XRCC4: variants seen among roughly 807,000 people sequenced by gnomAD.
XRCC4 encodes X-ray repair cross complementing 4.
A neutral mutation model predicts 39.1 loss-of-function variants in XRCC4; 28 were observed. The ratio of observed to expected loss-of-function variants is 0.72; its 90% CI spans 0.53 to 0.98. The LOEUF (loss-of-function observed/expected upper bound fraction) is 0.98, where lower values mean the gene tolerates loss of function less well. XRCC4 is among the 50% of genes least tolerant of loss of function. The probability of loss-of-function intolerance (pLI) is 0.00; values close to 1 mark genes in which losing one functional copy is unlikely to be tolerated. For synonymous variants in XRCC4, 123 were observed against 126.4 expected, an observed-to-expected ratio of 0.97 and a Z score of 0.18; for missense variants, 350 against 376.4, an observed-to-expected ratio of 0.93 and a Z score of 0.58.
At chr5:83,333,914 T>G (rs886238257) in intron 7 of XRCC4, among the ~76,000 whole-genome samples, 4 of 151,798 alleles carry the variant, frequency 2.6e-5, no homozygotes, top group Non-Finnish European at 4.4e-5. Context: ...GGATTACAGG[T>G]GTGCGCCACC....
At chr5:83,091,850 T>G (rs551116953) in intron 1 of XRCC4, among the ~76,000 whole-genome samples, 8 of 152,320 alleles carry the variant, frequency 5.3e-5, no homozygotes, top group African/African-American at 1.9e-4. Context: ...TTCCACATTC[T>G]GATTTTAAAA....
At chr5:83,105,898 C>A (rs551457991) in intron 2 of XRCC4, among the ~76,000 whole-genome samples, 1 of 151,868 alleles carries the variant, frequency 6.6e-6, no homozygotes, top group Non-Finnish European at 1.5e-5. Context: ...ATTATTATAT[C>A]GTCTTTAAAA....
At chr5:83,160,932 C>A (rs1205967466) in intron 3 of XRCC4, among the ~76,000 whole-genome samples, 1 of 151,912 alleles carries the variant, frequency 6.6e-6, no homozygotes, top group Non-Finnish European at 1.5e-5. Flanking sequence ...CATTTTCAGG[C>A]ACTTAATATG....
intron 1 of XRCC4, among the ~76,000 whole-genome samples, chr5:83,083,139 T>C (rs1745028759): frequency 6.6e-6 from 1 of 151,464 alleles, no homozygotes; most frequent in African/African-American, 2.5e-5. Flanking sequence ...TCCTCCACCC[T>C]GTTTTATCTC....
chr5:83,365,166 A>G, the XRCC4 span, among the ~76,000 whole-genome samples: 5 of 152,200 alleles, frequency 3.3e-5, no homozygotes, highest in African/African-American at 1.2e-4. Context: ...AATTTGCTTC[A>G]TATGACTGAT....
chr5:83,249,698 C>T lies in XRCC4; in HGVS notation c.746-8832C>T, dbSNP rs10514251. Among the ~76,000 whole-genome samples the T allele has an allele frequency of 4.7e-3, 695 of 146,376 alleles. 2 individuals carry two copies. The highest frequency in any genetic ancestry group is 0.017 in the African/African-American group (664 of 37,976). ...AGAGTTTGTGGTATATATTACTGTT[C>T]CTTATCCACCAAATTCACCAGATAA... On this transcript the variant is annotated intron_variant, in intron 6 of 7. Transcript: ENST00000396027.
chr5:83,266,491 G>T (rs923459629), intron 7 of XRCC4, among the ~76,000 whole-genome samples: 13 of 150,932 alleles, frequency 8.6e-5, no homozygotes, highest in African/African-American at 2.7e-4. Context: ...GTCAGCAAAT[G>T]GAAGAAAGAA....
At chr5:83,095,407 C>T (rs892215751) in intron 1 of XRCC4, among the ~76,000 whole-genome samples, 1 of 152,064 alleles carries the variant, frequency 6.6e-6, no homozygotes, top group African/African-American at 2.4e-5. Context: ...TTTTTATGTT[C>T]AATAGAAATG....
chr5:83,121,055 G>A (rs905634895), intron 3 of XRCC4, among the ~76,000 whole-genome samples: 13 of 151,962 alleles, frequency 8.6e-5, no homozygotes, highest in Admixed American at 2.0e-4. Flanking sequence ...TTCTTTTTTC[G>A]GTCTGGTTTC....
intron 1 of XRCC4, among the ~76,000 whole-genome samples, chr5:83,102,008 T>G (rs1480699630): frequency 6.6e-6 from 1 of 150,844 alleles, no homozygotes; most frequent in African/African-American, 2.4e-5. Flanking sequence ...TTTAGAATGA[T>G]GTAGCTGCCA....
At chr5:83,265,077 T>C (rs1753909154) in intron 7 of XRCC4, among the ~76,000 whole-genome samples, 1 of 152,138 alleles carries the variant, frequency 6.6e-6, no homozygotes, top group African/African-American at 2.4e-5. Context: ...TTCCATCTTT[T>C]CAAAAAGAAT....
At chr5:83,085,964 C>A (rs1745162206) in intron 1 of XRCC4, among the ~76,000 whole-genome samples, 1 of 152,132 alleles carries the variant, frequency 6.6e-6, no homozygotes, top group South Asian at 2.1e-4. Flanking sequence ...TCATTAGAAC[C>A]ACACAATCTT....
In XRCC4 at chr5:83,353,390, A is replaced by G; in HGVS notation, c.*148A>G. ...CAGTGAATTGAAACCATTGTGCAAA[A>G]TGGATTACACATGTATACAAAGATA... On this transcript the variant is annotated 3_prime_UTR_variant, in exon 8 of 8. Transcript: ENST00000396027. 1.7e-6 allele frequency: 1 copy of G among 605,366 alleles called. No homozygotes were observed. The highest frequency in any genetic ancestry group is 2.9e-6 in the Non-Finnish European group (1 of 350,856). 37.5% of individuals were successfully genotyped at this position (605,366 alleles called of 1,614,324 possible). A position where few individuals can be genotyped will look rare whatever the true frequency, so the allele number is the denominator to read the frequency against.
At chr5:83,184,678 C>A (rs1391877963) in intron 3 of XRCC4, among the ~76,000 whole-genome samples, 1 of 151,930 alleles carries the variant, frequency 6.6e-6, no homozygotes, top group Non-Finnish European at 1.5e-5. Context: ...AACTTTTGGC[C>A]AGTATTTGCT....
intron 7 of XRCC4, among the ~76,000 whole-genome samples, chr5:83,269,664 T>C (rs1435317862): frequency 6.6e-6 from 1 of 151,922 alleles, no homozygotes; most frequent in Admixed American, 6.6e-5. Flanking sequence ...ACCTAACACA[T>C]AGTAGATATT....
At chr5:83,365,199 C>T in the XRCC4 span, among the ~76,000 whole-genome samples, 1 of 152,100 alleles carries the variant, frequency 6.6e-6, no homozygotes, top group African/African-American at 2.4e-5. Flanking sequence ...CCCTGGAAAG[C>T]CCCATTCAAA....
At chr5:83,362,711 C>T in the XRCC4 span, among the ~76,000 whole-genome samples, 5 of 152,126 alleles carry the variant, frequency 3.3e-5, no homozygotes, top group South Asian at 2.1e-4. Flanking sequence ...GTAACTTTCA[C>T]GATTTCCTAC....
Position 83,158,027 on chromosome 5 carries a change from C to G in XRCC4, c.316-37743C>G, listed in dbSNP as rs182629591. Among the ~76,000 whole-genome samples the G allele has an allele frequency of 4.6e-5, 7 of 152,134 alleles. No homozygotes were observed. The East Asian group carries it at 1.3e-3, about 29-fold the overall frequency. On this transcript the variant is annotated intron_variant, in intron 3 of 7. Transcript: ENST00000396027. Reference sequence around the variant, plus strand: ...GTACATTATATGGGTAATATTTACTCAAATGCAATTTGGAAGTGTTTGTTC... The same window carrying G: ...GTACATTATATGGGTAATATTTACTGAAATGCAATTTGGAAGTGTTTGTTC...
intron 1 of XRCC4, among the ~76,000 whole-genome samples, chr5:83,098,710 C>T (rs1412224152): frequency 6.6e-6 from 1 of 151,672 alleles, no homozygotes; most frequent in Non-Finnish European, 1.5e-5. Flanking sequence ...GTAACACTAA[C>T]CAGCAAGTTG....
Sources: gnomAD v4.1 joint callset for allele counts (sites outside exome capture counted in the v4.1 genomes callset) on GRCh38, gnomAD v4.1.1 for gene constraint, MANE v1.5 for transcripts, NCBI Gene and HGNC (gene_info 2026-07-23, HGNC 2026-07-21) for gene names.